CAST: variants seen among roughly 807,000 people sequenced by gnomAD.
CAST encodes MIR583 host.
CAST carries 76 observed loss-of-function variants against 119.6 expected under a neutral mutation model. That is an observed-to-expected ratio of 0.64 (90% CI 0.53 to 0.77). The LOEUF is 0.77. Ranked by LOEUF, CAST falls within the 30% of genes least tolerant of loss-of-function variation. The pLI is 0.00. For synonymous variants in CAST, 319 were observed against 331.6 expected (o/e 0.96, Z 0.41); for missense variants, 953 against 946.5 (o/e 1.01, Z -0.09).
the CAST span, among the ~76,000 whole-genome samples, chr5:96,199,240 GAGAA>G: frequency 6.6e-6 from 1 of 152,028 alleles, no homozygotes; most frequent in South Asian, 2.1e-4. Context: ...TTTTATTTTT[GAGAA>G]AGAAAGGCTT....
At chr5:95,984,871 G>A in the CAST span, among the ~76,000 whole-genome samples, 3 of 151,912 alleles carry the variant, frequency 2.0e-5, no homozygotes, top group African/African-American at 7.3e-5. Flanking sequence ...AAATATTAAT[G>A]TTTTTATATT....
chr5:96,193,636 T>C, the CAST span, among the ~76,000 whole-genome samples: 1 of 152,000 alleles, frequency 6.6e-6, no homozygotes, highest in African/African-American at 2.4e-5. Flanking sequence ...TAACTTGGGG[T>C]TGTATAACTT....
intron 1 of CAST, among the ~76,000 whole-genome samples, chr5:96,563,621 A>C (rs1746420724): frequency 1.3e-5 from 2 of 151,618 alleles, no homozygotes; most frequent in Admixed American, 6.6e-5. Context: ...ATACTTTTTG[A>C]ATTTTATACC....
At chr5:96,703,976 T>C (rs1362019810) in intron 3 of CAST, among the ~76,000 whole-genome samples, 1 of 152,204 alleles carries the variant, frequency 6.6e-6, no homozygotes, top group Non-Finnish European at 1.5e-5. Flanking sequence ...GGGAATATGC[T>C]GGGGAGGGTG....
At chr5:96,132,826 C>T in the CAST span, among the ~76,000 whole-genome samples, 2 of 152,236 alleles carry the variant, frequency 1.3e-5, no homozygotes, top group South Asian at 4.2e-4. Flanking sequence ...TGTAGTAAAC[C>T]TATAGAATGA....
Position 96,662,447 on chromosome 5 carries a change from G to A in CAST, c.25G>A (p.Ala9Thr). 2.1e-6 allele frequency: 3 copies of A among 1,438,816 alleles called. No homozygotes were observed. The highest frequency in any genetic ancestry group is 1.8e-6 in the Non-Finnish European group (2 of 1,100,806). The allele number at this position is 1,438,816 out of a possible 1,614,324, so 89.1% of individuals were successfully genotyped here. A position where few individuals can be genotyped will look rare whatever the true frequency, so the allele number is the denominator to read the frequency against. ...CATGTCCCAGCCCGGCCAGAAGCCCGCCGCCTCCCCGCGGCCCCGGCGAGC... is the reference window on the plus strand; with the variant it reads ...CATGTCCCAGCCCGGCCAGAAGCCCACCGCCTCCCCGCGGCCCCGGCGAGC... MSQPGQKP[A>T]ASPRPRRAAA... Residue 9 changes from alanine (A) to threonine (T), a missense_variant, in exon 1 of 32, where the codon GCC becomes ACC. Physicochemically the swap from Ala to Thr is moderately conservative, Grantham distance 58. Transcript: ENST00000675179.
the CAST span, among the ~76,000 whole-genome samples, chr5:96,347,389 C>T: frequency 1.3e-5 from 2 of 152,166 alleles, no homozygotes; most frequent in African/African-American, 4.8e-5. Context: ...GAAGTCCGTG[C>T]TTATCCTTCC....
Position 96,729,191 on chromosome 5 carries a change from G to A in CAST, c.417G>A (p.Lys139=). ...ATGAGAAAAAATCCCAAGAAGGAAAGCCAAAAGAACACACAGAGGTAAATG... is the reference window on the plus strand; with the variant it reads ...ATGAGAAAAAATCCCAAGAAGGAAAACCAAAAGAACACACAGAGGTAAATG... ...VVHEKKSQEG[K]PKEHTEPKSL... is the part of the protein sequence containing the mutation. The change falls in exon 7 of 32, where the codon AAG becomes AAA. Residue 139 remains lysine, a synonymous_variant. Transcript: ENST00000675179. The A allele has an allele frequency of 6.3e-7, 1 of 1,596,438 alleles. No individual in the cohort carries two copies. The highest frequency in any genetic ancestry group is 1.3e-5 in the African/African-American group (1 of 74,628).
intron 1 of CAST, among the ~76,000 whole-genome samples, chr5:96,552,523 G>A (rs1385119934): frequency 6.6e-6 from 1 of 151,966 alleles, no homozygotes; most frequent in African/African-American, 2.4e-5. Flanking sequence ...AGAAGCAAGA[G>A]CAAACAAATT....
At chr5:96,414,946 T>C in the CAST span, among the ~76,000 whole-genome samples, 1 of 152,214 alleles carries the variant, frequency 6.6e-6, no homozygotes, top group African/African-American at 2.4e-5. Flanking sequence ...ATTTGGTTTC[T>C]AAAAAGAAAT....
the CAST span, chr5:96,410,960 G>A: frequency 4.3e-6 from 7 of 1,613,460 alleles, no homozygotes; most frequent in South Asian, 1.1e-5. Flanking sequence ...AAGCCCAGAC[G>A]AAGATGGACC....
At chr5:96,367,038 C>A in the CAST span, among the ~76,000 whole-genome samples, 1 of 152,164 alleles carries the variant, frequency 6.6e-6, no homozygotes, top group African/African-American at 2.4e-5. Context: ...GTTAGTTTCC[C>A]TTCTAACAGT....
chr5:95,975,968 AGATAGAAATTGTTG>A, the CAST span, among the ~76,000 whole-genome samples: 1 of 152,118 alleles, frequency 6.6e-6, no homozygotes, highest in Admixed American at 6.6e-5. Context: ...GTTGGAGGCA[AGATAGAAATTGTTG>A]CTTGTAATCT....
At chr5:96,036,909 A>C in the CAST span, among the ~76,000 whole-genome samples, 267 of 152,272 alleles carry the variant, frequency 1.8e-3, 1 homozygote, top group African/African-American at 6.1e-3. Flanking sequence ...TTTGTAAATA[A>C]AATGTCTGAG....
the CAST span, among the ~76,000 whole-genome samples, chr5:96,183,535 A>G: frequency 0.035 from 5,287 of 152,266 alleles, 150 homozygotes; most frequent in Non-Finnish European, 0.047. Flanking sequence ...TCTATTACCA[A>G]TAACAATTTA....
At chr5:96,460,499 C>A in the CAST span, among the ~76,000 whole-genome samples, 1 of 151,408 alleles carries the variant, frequency 6.6e-6, no homozygotes, top group Non-Finnish European at 1.5e-5. Flanking sequence ...ACCTGTGTAA[C>A]AAACCTGCAC....
the CAST span, among the ~76,000 whole-genome samples, chr5:96,344,535 C>T: frequency 6.6e-6 from 1 of 152,058 alleles, no homozygotes; most frequent in East Asian, 1.9e-4. Flanking sequence ...CAAAGGAATG[C>T]GAATCAGGTA....
the CAST span, among the ~76,000 whole-genome samples, chr5:96,021,856 G>C: frequency 1.3e-5 from 2 of 152,172 alleles, no homozygotes; most frequent in African/African-American, 4.8e-5. Flanking sequence ...ATTAACTTAA[G>C]TGATCGGATT....
intron 16 of CAST, chr5:96,743,802 A>T (rs112637406): frequency 9.8e-6 from 11 of 1,121,590 alleles, no homozygotes; most frequent in Non-Finnish European, 1.4e-5. Flanking sequence ...GATATACATT[A>T]CTTAGAGTAG....
Sources: allele counts gnomAD v4.1 joint callset (sites outside exome capture counted in the v4.1 genomes callset), GRCh38; gene constraint gnomAD v4.1.1; transcripts MANE v1.5; gene names NCBI Gene and HGNC (gene_info 2026-07-23, HGNC 2026-07-21).